Variants in EYS observed in about 807,000 individuals in gnomAD.
The protein encoded by EYS is protein eyes shut homolog.
Under a neutral mutation model 282.1 loss-of-function variants are expected in EYS, and 250 were observed. That is an observed-to-expected ratio of 0.89 (90% CI 0.80 to 0.98). The LOEUF is 0.98. Ranked by LOEUF, EYS falls within the 50% of genes least tolerant of loss-of-function variation. The pLI, the probability that EYS is intolerant of heterozygous loss-of-function variation, is 0.00. For synonymous variants in EYS, 1,355 were observed against 1,282.9 expected (o/e 1.06, Z -1.20); for missense variants, 4,016 against 3,709.0 (o/e 1.08, Z -2.15).
At chr6:65,599,330 AGAGGATTTCTTCCTT>A (rs1765533129) in intron 2 of EYS, among the ~76,000 whole-genome samples, 1 of 152,106 alleles carries the variant, frequency 6.6e-6, no homozygotes, top group Non-Finnish European at 1.5e-5. Flanking sequence ...ACATGGACCC[AGAGGATTTCTTCCTT>A]TGCTTGTTTA....
chr6:63,910,422 C>T (rs76028471), intron 35 of EYS, among the ~76,000 whole-genome samples: 3 of 152,004 alleles, frequency 2.0e-5, no homozygotes, highest in African/African-American at 7.2e-5. Flanking sequence ...TTCTGTGTAC[C>T]GAAAGGTCAT....
At chr6:65,538,853 C>A (rs1471522594) in intron 2 of EYS, among the ~76,000 whole-genome samples, 1 of 152,188 alleles carries the variant, frequency 6.6e-6, no homozygotes, top group Non-Finnish European at 1.5e-5. Context: ...CCTTCACTCA[C>A]TGCATTCCAG....
rs905614792 is a variant in EYS at position 65,579,732 on chromosome 6, T to C, written c.-333+60046A>G. On this transcript the variant is annotated intron_variant, in intron 2 of 42. Coordinates refer to ENST00000503581, the MANE Select transcript of EYS (RefSeq NM_001142800.2). ...CCCACAGTTATAATCTCACATAAAG[T>C]TAATTACCTCCTAAAAGCCCTATCT... Among the ~76,000 whole-genome samples the C allele has an allele frequency of 7.9e-5, 12 of 152,084 alleles. No homozygotes were observed. The East Asian group carries it at 2.3e-3, about 29-fold the overall frequency.
intron 22 of EYS, among the ~76,000 whole-genome samples, chr6:64,704,244 T>G (rs1349249238): frequency 2.0e-5 from 3 of 149,956 alleles, no homozygotes; most frequent in Non-Finnish European, 4.4e-5. Flanking sequence ...TAATTCCACT[T>G]ATATCTGTAC....
intron 2 of EYS, among the ~76,000 whole-genome samples, chr6:65,520,081 T>C (rs1299050844): frequency 6.6e-6 from 1 of 152,038 alleles, no homozygotes; most frequent in East Asian, 1.9e-4. Flanking sequence ...ACAACATATT[T>C]CATGTATTTC....
chr6:65,318,603 T>C (rs1211295529), intron 11 of EYS, among the ~76,000 whole-genome samples: 1 of 147,550 alleles, frequency 6.8e-6, no homozygotes, highest in African/African-American at 2.5e-5. Flanking sequence ...ATAATTTATA[T>C]GTAATATAAT....
chr6:64,735,363 G>T (rs939157834), intron 22 of EYS, among the ~76,000 whole-genome samples: 93 of 152,266 alleles, frequency 6.1e-4, no homozygotes, highest in African/African-American at 2.1e-3. Flanking sequence ...GATTACAGGC[G>T]TGAACCACCG....
intron 12 of EYS, among the ~76,000 whole-genome samples, chr6:65,089,828 C>A (rs1027615991): frequency 2.6e-5 from 4 of 151,458 alleles, no homozygotes; most frequent in Admixed American, 6.6e-5. Context: ...TGGTGGCATG[C>A]ACCTGTAATC....
chr6:65,578,229 T>A (rs1345895517), intron 2 of EYS, among the ~76,000 whole-genome samples: 2 of 149,040 alleles, frequency 1.3e-5, no homozygotes, highest in Non-Finnish European at 3.0e-5. Context: ...ATACACACAA[T>A]AGAATACTAC....
In EYS at chr6:64,081,842, CATTT is replaced by C; in HGVS notation, c.6571+10_6571+13del. ...GAAACATGACATACAAGAAGTCAAA[CATTT>C]AATACTCACTGTAAAGAATAGTTCC... On this transcript the variant is annotated intron_variant, in intron 32 of 42. Transcript: ENST00000503581. The C allele has an allele frequency of 6.8e-7, 1 of 1,480,408 alleles. No individual in the cohort carries two copies. The highest frequency in any genetic ancestry group is 9.1e-7 in the Non-Finnish European group (1 of 1,099,174). The allele number at this position is 1,480,408 out of a possible 1,614,324, so 91.7% of individuals were successfully genotyped here.
intron 28 of EYS, among the ~76,000 whole-genome samples, chr6:64,396,811 A>G (rs1439428174): frequency 6.6e-6 from 1 of 152,040 alleles, no homozygotes; most frequent in Non-Finnish European, 1.5e-5. Context: ...ATGTCTTAAG[A>G]CTTACTCTAA....
chr6:64,447,292 T>C (rs1561999843), intron 26 of EYS, among the ~76,000 whole-genome samples: 1 of 152,140 alleles, frequency 6.6e-6, no homozygotes, highest in African/African-American at 2.4e-5. Flanking sequence ...GTTCTACAAA[T>C]TGTGTCTAAT....
At chr6:63,976,079 T>C (rs1766823312) in intron 35 of EYS, among the ~76,000 whole-genome samples, 3 of 151,962 alleles carry the variant, frequency 2.0e-5, no homozygotes, top group Admixed American at 6.6e-5. Context: ...ATATAAAAGA[T>C]GTATAAAAAT....
At chr6:64,088,092 C>T (rs962992836) in intron 31 of EYS, among the ~76,000 whole-genome samples, 4 of 151,988 alleles carry the variant, frequency 2.6e-5, no homozygotes, top group East Asian at 1.9e-4. Context: ...TATTGAATTG[C>T]TTTCTAACCA....
chr6:63,758,484 A>T (rs933810646), intron 41 of EYS, among the ~76,000 whole-genome samples: 2 of 151,966 alleles, frequency 1.3e-5, no homozygotes, highest in African/African-American at 2.4e-5. Flanking sequence ...ACTAATACTA[A>T]TGGAGTTCTA....
intron 13 of EYS, among the ~76,000 whole-genome samples, chr6:65,034,029 G>A (rs547464402): frequency 1.9e-4 from 29 of 152,252 alleles, no homozygotes; most frequent in Non-Finnish European, 3.4e-4. Context: ...GGATATGGAG[G>A]CAAAGGAGAT....
intron 12 of EYS, among the ~76,000 whole-genome samples, chr6:65,249,662 T>C (rs1767269155): frequency 6.6e-6 from 1 of 152,054 alleles, no homozygotes; most frequent in Admixed American, 6.6e-5. Flanking sequence ...GTTGGAAATT[T>C]ACAAAGCAAG....
chr6:65,010,177 G>A (rs1771821697), intron 13 of EYS, among the ~76,000 whole-genome samples: 1 of 152,202 alleles, frequency 6.6e-6, no homozygotes, highest in South Asian at 2.1e-4. Flanking sequence ...CGAGGGACAA[G>A]CTTGCAACCT....
intron 15 of EYS, among the ~76,000 whole-genome samples, chr6:64,942,394 C>T (rs575985733): frequency 1.4e-5 from 2 of 142,932 alleles, no homozygotes; most frequent in Admixed American, 7.2e-5. Context: ...AAAATTAAGA[C>T]CCCAAAATCC....
Sources: allele counts gnomAD v4.1 joint callset (sites outside exome capture counted in the v4.1 genomes callset), GRCh38; gene constraint gnomAD v4.1.1; transcripts MANE v1.5; gene names NCBI Gene and HGNC (gene_info 2026-07-23, HGNC 2026-07-21).